KRABD3: variants seen among roughly 807,000 people sequenced by gnomAD.
KRABD3 encodes the protein KRAB domain-containing protein 3.
At chr7:149,731,607 A>T in the KRABD3 span, 1 of 1,113,686 alleles carries the variant, frequency 9.0e-7, no homozygotes, top group South Asian at 1.3e-5. Flanking sequence ...GTTTTAGGGT[A>T]TGTCAGAATG....
At chr7:149,727,162 C>T in the KRABD3 span, among the ~76,000 whole-genome samples, 12 of 152,270 alleles carry the variant, frequency 7.9e-5, no homozygotes, top group Admixed American at 2.0e-4. Flanking sequence ...CTGGTTAATC[C>T]GAGTCCTCTT....
chr7:149,726,342 C>T, the KRABD3 span, among the ~76,000 whole-genome samples: 1 of 152,098 alleles, frequency 6.6e-6, no homozygotes, highest in Non-Finnish European at 1.5e-5. Flanking sequence ...CACGCCTGTA[C>T]TCCCAGCACT....
chr7:149,718,437 C>T, the KRABD3 span, among the ~76,000 whole-genome samples: 2 of 150,982 alleles, frequency 1.3e-5, no homozygotes, highest in Admixed American at 6.6e-5. Flanking sequence ...TAATTTTTGC[C>T]ATAATTTTAA....
chr7:149,715,080 A>C, the KRABD3 span: 1 of 1,230,434 alleles, frequency 8.1e-7, no homozygotes, highest in South Asian at 4.1e-5. Context: ...AGGCAGGCGG[A>C]CGCGCGGACC....
At chr7:149,728,734 C>T in the KRABD3 span, 32 of 1,551,376 alleles carry the variant, frequency 2.1e-5, no homozygotes, top group Admixed American at 3.7e-5. Context: ...ATGCCCTAGG[C>T]GCTGCACCTG....
chr7:149,727,759 C>T, the KRABD3 span, among the ~76,000 whole-genome samples: 1 of 152,218 alleles, frequency 6.6e-6, no homozygotes, highest in African/African-American at 2.4e-5. Flanking sequence ...CCAGCCAACT[C>T]CCGGCTCCCT....
the KRABD3 span, among the ~76,000 whole-genome samples, chr7:149,724,213 C>T: frequency 2.2e-3 from 332 of 152,248 alleles, 1 homozygote; most frequent in African/African-American, 7.4e-3. Context: ...GGCTTGGGGT[C>T]CTGTGTGTTT....
the KRABD3 span, chr7:149,734,535 C>T: frequency 1.9e-4 from 29 of 155,028 alleles, no homozygotes; most frequent in African/African-American, 6.7e-4. Context: ...CTGGACTTAC[C>T]TCTGTGGATT....
the KRABD3 span, chr7:149,715,012 C>G: frequency 8.2e-7 from 1 of 1,226,198 alleles, no homozygotes; most frequent in Non-Finnish European, 1.0e-6. Context: ...GCGCCAGGGC[C>G]CGCGCCGGAA....
At chr7:149,717,492 C>G in the KRABD3 span, among the ~76,000 whole-genome samples, 1 of 152,256 alleles carries the variant, frequency 6.6e-6, no homozygotes, top group African/African-American at 2.4e-5. Context: ...GTAAATAACT[C>G]TTTGAGAGAA....
chr7:149,715,094 C>T, the KRABD3 span: 1 of 1,230,886 alleles, frequency 8.1e-7, no homozygotes, highest in Non-Finnish European at 1.0e-6. Flanking sequence ...GCGGACCCCT[C>T]GGCGCAGTGC....
the KRABD3 span, chr7:149,729,316 G>A: frequency 6.3e-7 from 1 of 1,599,842 alleles, no homozygotes; most frequent in East Asian, 2.3e-5. Flanking sequence ...CCACCAGCGG[G>A]GGTTCAAAGA....
the KRABD3 span, chr7:149,721,756 C>A: frequency 1.4e-6 from 1 of 699,454 alleles, no homozygotes. Flanking sequence ...CCTGGGGAGC[C>A]TGTCATCCCG....
the KRABD3 span, among the ~76,000 whole-genome samples, chr7:149,717,663 A>G: frequency 6.6e-6 from 1 of 152,108 alleles, no homozygotes; most frequent in Non-Finnish European, 1.5e-5. Context: ...TCAGGCAGGC[A>G]GTCACGGGAG....
At chr7:149,731,256 T>C in the KRABD3 span, among the ~76,000 whole-genome samples, 1 of 152,188 alleles carries the variant, frequency 6.6e-6, no homozygotes, top group Non-Finnish European at 1.5e-5. Context: ...CTGGCTCCAT[T>C]TACAGGCATT....
the KRABD3 span, chr7:149,725,375 C>A: frequency 3.1e-6 from 5 of 1,608,150 alleles, 1 homozygote; most frequent in South Asian, 2.2e-5. Flanking sequence ...GGCATTCCCC[C>A]AAATGGGTCG....
chr7:149,733,672 GACCGCTC>G, the KRABD3 span: 1 of 1,586,482 alleles, frequency 6.3e-7, no homozygotes, highest in Non-Finnish European at 8.6e-7. Context: ...TCTCCAGAGG[GACCGCTC>G]GCCGGGCACG....
the KRABD3 span, chr7:149,715,072 G>C: frequency 5.9e-4 from 724 of 1,230,660 alleles, 5 homozygotes; most frequent in African/African-American, 9.7e-3. Context: ...GCCAGGTAAG[G>C]CAGGCGGACG....
chr7:149,722,723 A>G, the KRABD3 span: 3 of 1,538,500 alleles, frequency 1.9e-6, no homozygotes, highest in Non-Finnish European at 2.6e-6. Context: ...AATGCCTGCC[A>G]GCGCTCCCGG....
Sources: gnomAD v4.1 joint callset for allele counts (sites outside exome capture counted in the v4.1 genomes callset) on GRCh38, gnomAD v4.1.1 for gene constraint, MANE v1.5 for transcripts, NCBI Gene and HGNC (gene_info 2026-07-23, HGNC 2026-07-21) for gene names.